ST18: variants seen among roughly 807,000 people sequenced by gnomAD.
The protein encoded by ST18 is ST18 C2H2C-type zinc finger transcription factor.
A neutral mutation model predicts 110.0 loss-of-function variants in ST18; 50 were observed. The ratio of observed to expected loss-of-function variants is 0.45; its 90% CI spans 0.36 to 0.58. The LOEUF (loss-of-function observed/expected upper bound fraction) is 0.58, where lower values mean the gene tolerates loss of function less well. Ranked by LOEUF, ST18 falls within the 20% of genes least tolerant of loss-of-function variation. ST18 has a pLI of 0.00. For synonymous variants in ST18, 461 were observed against 452.4 expected (o/e 1.02, Z -0.24); for missense variants, 1,306 against 1,280.1 (o/e 1.02, Z -0.31).
At chr8:52,277,240 A>G (rs1413196469) in intron 2 of ST18, among the ~76,000 whole-genome samples, 1 of 152,028 alleles carries the variant, frequency 6.6e-6, no homozygotes, top group Non-Finnish European at 1.5e-5. Context: ...TCACCATCAC[A>G]TCCACTCCTG....
At chr8:52,353,601 T>A (rs140596233) in intron 2 of ST18, among the ~76,000 whole-genome samples, 55 of 152,220 alleles carry the variant, frequency 3.6e-4, no homozygotes, top group African/African-American at 1.3e-3. Flanking sequence ...GGAGGCAAAG[T>A]GAATGTATTA....
At chr8:52,138,382 T>C (rs2053373143) in intron 17 of ST18, among the ~76,000 whole-genome samples, 1 of 152,212 alleles carries the variant, frequency 6.6e-6, no homozygotes, top group Non-Finnish European at 1.5e-5. Context: ...TCTCACTCCA[T>C]TAAGATGTGT....
intron 15 of ST18, among the ~76,000 whole-genome samples, chr8:52,151,957 A>G (rs551225955): frequency 6.6e-6 from 1 of 152,356 alleles, no homozygotes; most frequent in South Asian, 2.1e-4. Flanking sequence ...CTCTTCCAAG[A>G]CAAGACTAAT....
At chr8:52,407,303 AG>A (rs1384532248) in intron 2 of ST18, 1 of 152,228 alleles carries the variant, frequency 6.6e-6, no homozygotes, top group Non-Finnish European at 1.5e-5. Context: ...AATTCTGAGA[AG>A]AAAAAAATTA....
intron 2 of ST18, among the ~76,000 whole-genome samples, chr8:52,249,735 T>A (rs2094143896): frequency 6.6e-6 from 1 of 152,118 alleles, no homozygotes; most frequent in Non-Finnish European, 1.5e-5. Flanking sequence ...CTGGTGGTTA[T>A]TTGCAGGTAA....
intron 2 of ST18, among the ~76,000 whole-genome samples, chr8:52,326,842 G>A (rs913907552): frequency 2.6e-5 from 4 of 152,182 alleles, no homozygotes; most frequent in African/African-American, 9.7e-5. Context: ...GAATGAATAT[G>A]TCACAGCTTC....
chr8:52,223,616 C>T (rs573046439), intron 3 of ST18, among the ~76,000 whole-genome samples: 12 of 150,704 alleles, frequency 8.0e-5, no homozygotes, highest in African/African-American at 2.2e-4. Flanking sequence ...TACACTCCAG[C>T]CTGAGCAACA....
At chr8:52,199,945 T>G (rs577607347) in intron 8 of ST18, among the ~76,000 whole-genome samples, 169 of 152,364 alleles carry the variant, frequency 1.1e-3, no homozygotes, top group African/African-American at 3.7e-3. Context: ...CTCATTCCAC[T>G]GTGCTCCCTT....
chr8:52,158,506 C>A (rs1299448492), intron 15 of ST18, among the ~76,000 whole-genome samples: 1 of 152,136 alleles, frequency 6.6e-6, no homozygotes, highest in African/African-American at 2.4e-5. Context: ...CATTTCTTAC[C>A]TTCTTTGATT....
intron 8 of ST18, among the ~76,000 whole-genome samples, chr8:52,185,580 C>G (rs900193821): frequency 6.6e-6 from 1 of 152,062 alleles, no homozygotes; most frequent in Admixed American, 6.6e-5. Flanking sequence ...TTAAAAAAAA[C>G]AGACCAATGG....
intron 2 of ST18, among the ~76,000 whole-genome samples, chr8:52,367,509 A>G (rs1341788600): frequency 6.6e-6 from 1 of 152,206 alleles, no homozygotes; most frequent in African/African-American, 2.4e-5. Flanking sequence ...ATCAAAGTGT[A>G]TAAATATATA....
At chr8:52,208,392 T>A (rs2080888844) in intron 8 of ST18, among the ~76,000 whole-genome samples, 1 of 151,988 alleles carries the variant, frequency 6.6e-6, no homozygotes, top group Non-Finnish European at 1.5e-5. Context: ...GTGGAAAAAA[T>A]TGGAAGAGGA....
chr8:52,115,512 A>G (rs948688789), intron 25 of ST18, among the ~76,000 whole-genome samples: 9 of 152,220 alleles, frequency 5.9e-5, no homozygotes, highest in African/African-American at 2.2e-4. Context: ...TAGATACACA[A>G]ATACTAATAA....
chr8:52,285,866 C>T (rs2095464218), intron 2 of ST18, among the ~76,000 whole-genome samples: 1 of 152,154 alleles, frequency 6.6e-6, no homozygotes, highest in South Asian at 2.1e-4. Flanking sequence ...CTTCTCTTTG[C>T]CTTATAGTTC....
intron 2 of ST18, among the ~76,000 whole-genome samples, chr8:52,319,151 T>A (rs989623790): frequency 6.6e-6 from 1 of 152,160 alleles, no homozygotes; most frequent in African/African-American, 2.4e-5. Flanking sequence ...ACAAAAAATA[T>A]TGGTGAAAGT....
chr8:52,180,092 A>C, intron 9 of ST18, 30 bp downstream of exon 9: 1 of 1,608,846 alleles, frequency 6.2e-7, no homozygotes, highest in Non-Finnish European at 8.5e-7. Context: ...GCCAGGGAGC[A>C]GGTAAAGTTT....
At chr8:52,195,429 AAC>A (rs2075897128) in intron 8 of ST18, among the ~76,000 whole-genome samples, 2 of 152,004 alleles carry the variant, frequency 1.3e-5, no homozygotes, top group African/African-American at 2.4e-5. Flanking sequence ...TTATTTTTCA[AAC>A]AGTGTTATAA....
intron 9 of ST18, among the ~76,000 whole-genome samples, chr8:52,174,169 A>C (rs1014569656): frequency 6.6e-6 from 1 of 152,244 alleles, no homozygotes; most frequent in Non-Finnish European, 1.5e-5. Flanking sequence ...CCTAGAAAAG[A>C]GGCTGGATAA....
chr8:52,339,399 C>G (rs1290256529), intron 2 of ST18, among the ~76,000 whole-genome samples: 1 of 152,210 alleles, frequency 6.6e-6, no homozygotes, highest in Non-Finnish European at 1.5e-5. Flanking sequence ...GGGATAAACT[C>G]CCTTCCTAAA....
Sources: allele counts gnomAD v4.1 joint callset (sites outside exome capture counted in the v4.1 genomes callset), GRCh38; gene constraint gnomAD v4.1.1; transcripts MANE v1.5; gene names NCBI Gene and HGNC (gene_info 2026-07-23, HGNC 2026-07-21).